Variants in GPHN observed in about 807,000 individuals in gnomAD.
The protein encoded by GPHN is gephyrin.
GPHN carries 17 observed loss-of-function variants against 95.5 expected under a neutral mutation model. The observed-to-expected ratio is 0.18, with a 90% CI of 0.12 to 0.27. The LOEUF (loss-of-function observed/expected upper bound fraction) is 0.27, where lower values mean the gene tolerates loss of function less well. GPHN is among the 10% of genes least tolerant of loss of function. The probability of loss-of-function intolerance (pLI) is 1.00; values close to 1 mark genes in which losing one functional copy is unlikely to be tolerated. For missense variants in GPHN, 660 were observed against 978.1 expected, an observed-to-expected ratio of 0.67 and a Z score of 4.34; for synonymous variants, 320 against 322.5, an observed-to-expected ratio of 0.99 and a Z score of 0.08.
At chr14:67,198,099 C>A in the GPHN span, 38 of 1,547,280 alleles carry the variant, frequency 2.5e-5, no homozygotes, top group Non-Finnish European at 3.0e-5. Flanking sequence ...ATATTAAATT[C>A]TCTCTGTATC....
At chr14:67,569,819 C>T in the GPHN span, 1 of 752,498 alleles carries the variant, frequency 1.3e-6, no homozygotes, top group Non-Finnish European at 2.4e-6. Context: ...CTGTCACTGG[C>T]CTGCTCCTGG....
chr14:66,780,567 A>G (rs1260104799), intron 3 of GPHN, among the ~76,000 whole-genome samples: 1 of 151,884 alleles, frequency 6.6e-6, no homozygotes, highest in East Asian at 1.9e-4. Flanking sequence ...TAGAGTTACA[A>G]GAGTTATCCC....
the GPHN span, among the ~76,000 whole-genome samples, chr14:67,450,221 C>A: frequency 1.3e-5 from 2 of 152,168 alleles, no homozygotes; most frequent in South Asian, 2.1e-4. Context: ...GTCATTAAAC[C>A]TCTTTCTTTT....
At chr14:67,179,107 A>G (rs1253755273) in intron 21 of GPHN, among the ~76,000 whole-genome samples, 1 of 152,236 alleles carries the variant, frequency 6.6e-6, no homozygotes, top group African/African-American at 2.4e-5. Context: ...TAAGGTGGCC[A>G]GGCATGGTGG....
chr14:66,699,570 T>A (rs1455648939), intron 2 of GPHN, among the ~76,000 whole-genome samples: 1 of 152,166 alleles, frequency 6.6e-6, no homozygotes, highest in African/African-American at 2.4e-5. Context: ...GTTGAATAAT[T>A]TCAGGTCAAT....
At chr14:67,586,986 G>A in the GPHN span, 1 of 1,531,964 alleles carries the variant, frequency 6.5e-7, no homozygotes, top group Non-Finnish European at 8.8e-7. Flanking sequence ...CTGAGGCCCA[G>A]GAACTCAGCA....
At chr14:66,846,870 A>G (rs2153513304) in intron 4 of GPHN, among the ~76,000 whole-genome samples, 1 of 152,282 alleles carries the variant, frequency 6.6e-6, no homozygotes, top group South Asian at 2.1e-4. Context: ...TTTGCCCCCG[A>G]AGTACAACTC....
chr14:67,539,934 G>A, the GPHN span, among the ~76,000 whole-genome samples: 1 of 152,174 alleles, frequency 6.6e-6, no homozygotes, highest in South Asian at 2.1e-4. Context: ...TGTATGATGG[G>A]AGAAAAATAC....
At chr14:66,834,668 T>G (rs1448653799) in intron 4 of GPHN, among the ~76,000 whole-genome samples, 1 of 151,932 alleles carries the variant, frequency 6.6e-6, no homozygotes, top group East Asian at 1.9e-4. Flanking sequence ...AGTATTTTAT[T>G]GAGGATTTTT....
chr14:67,180,910 G>A lies in GPHN; in HGVS notation c.2283G>A (p.Val761=). The A allele has an allele frequency of 6.2e-7, 1 of 1,614,002 alleles. No homozygotes were observed. The highest frequency in any genetic ancestry group is 8.5e-7 in the Non-Finnish European group (1 of 1,179,942). ...TGGAGCTCCACAAAGGCGAGGTGGTGGATGTCATGGTCATTGGACGGCTAT... is the reference window on the plus strand; with the variant it reads ...TGGAGCTCCACAAAGGCGAGGTGGTAGATGTCATGGTCATTGGACGGCTAT... ...QYVELHKGEV[V]DVMVIGRL Residue 761 remains valine (V), a synonymous_variant, in exon 23 of 23, where the codon GTG becomes GTA. Transcript: ENST00000478722.
the GPHN span, among the ~76,000 whole-genome samples, chr14:67,681,505 G>A: frequency 1.3e-5 from 2 of 152,188 alleles, no homozygotes; most frequent in African/African-American, 2.4e-5. Flanking sequence ...GTTCAAGGCC[G>A]GGTGTGGTGG....
chr14:67,418,678 G>T, the GPHN span, among the ~76,000 whole-genome samples: 1 of 152,170 alleles, frequency 6.6e-6, no homozygotes, highest in Non-Finnish European at 1.5e-5. Flanking sequence ...GAGATCTGGG[G>T]TGGAGTGAGG....
intron 11 of GPHN, among the ~76,000 whole-genome samples, chr14:67,067,662 G>A (rs2076116727): frequency 6.6e-6 from 1 of 152,170 alleles, no homozygotes; most frequent in African/African-American, 2.4e-5. Flanking sequence ...CAGCAATGGT[G>A]GATGCCCCTC....
the GPHN span, among the ~76,000 whole-genome samples, chr14:67,612,497 T>G: frequency 6.6e-6 from 1 of 152,232 alleles, no homozygotes; most frequent in Admixed American, 6.5e-5. Context: ...ACCAGCCTTA[T>G]CTTCCTCTGG....
chr14:67,704,810 A>C, the GPHN span, among the ~76,000 whole-genome samples: 7 of 152,234 alleles, frequency 4.6e-5, no homozygotes, highest in Non-Finnish European at 1.0e-4. Flanking sequence ...TGAGACAGTC[A>C]TTGTACCACG....
At chr14:67,159,372 T>A (rs1421606063) in intron 18 of GPHN, 43 bp from the exon 19 acceptor site, 10 of 1,097,396 alleles carry the variant, frequency 9.1e-6, no homozygotes, top group African/African-American at 3.1e-5. Flanking sequence ...AAGTCTAATA[T>A]TAAAATGTTT....
At chr14:66,877,934 A>G (rs972101663) in intron 4 of GPHN, among the ~76,000 whole-genome samples, 3 of 152,244 alleles carry the variant, frequency 2.0e-5, no homozygotes, top group Non-Finnish European at 4.4e-5. Flanking sequence ...CTAAGCAAAA[A>G]GAACAAAGCT....
At chr14:67,224,312 G>A in the GPHN span, among the ~76,000 whole-genome samples, 6 of 148,550 alleles carry the variant, frequency 4.0e-5, no homozygotes, top group African/African-American at 1.0e-4. Flanking sequence ...AGGCTGGAGC[G>A]CAGTGGCACG....
At chr14:67,614,545 C>A in the GPHN span, among the ~76,000 whole-genome samples, 7 of 151,740 alleles carry the variant, frequency 4.6e-5, no homozygotes, top group African/African-American at 1.7e-4. Flanking sequence ...AGGAGGATCG[C>A]TTGAGCCCAG....
Sources: gnomAD v4.1 joint callset for allele counts (sites outside exome capture counted in the v4.1 genomes callset) on GRCh38, gnomAD v4.1.1 for gene constraint, MANE v1.5 for transcripts, NCBI Gene and HGNC (gene_info 2026-07-23, HGNC 2026-07-21) for gene names.